CDYL: variants seen among roughly 807,000 people sequenced by gnomAD.
CDYL encodes the protein chromodomain Y like.
CDYL carries 8 observed loss-of-function variants against 47.3 expected under a neutral mutation model. The observed-to-expected ratio is 0.17, with a 90% CI of 0.10 to 0.31. The LOEUF (loss-of-function observed/expected upper bound fraction) is 0.31. Among genes scored for constraint, CDYL ranks in the 10% least tolerant of loss-of-function variants. The pLI is 1.00. For missense variants in CDYL, 471 were observed against 701.4 expected (o/e 0.67, Z 3.71); for synonymous variants, 266 against 265.0 (o/e 1.00, Z -0.04).
chr6:4,946,874 C>T (rs1419185580), intron 5 of CDYL, among the ~76,000 whole-genome samples: 1 of 152,218 alleles, frequency 6.6e-6, no homozygotes, highest in Non-Finnish European at 1.5e-5. Flanking sequence ...TTGTCCCACC[C>T]CTCCCTACTC....
intron 2 of CDYL, among the ~76,000 whole-genome samples, chr6:4,905,331 G>A (rs944727376): frequency 6.6e-6 from 1 of 152,176 alleles, no homozygotes; most frequent in Non-Finnish European, 1.5e-5. Flanking sequence ...CAACTTAGCG[G>A]GGTTGACCTG....
chr6:4,884,862 C>T (rs1229131767), intron 1 of CDYL, among the ~76,000 whole-genome samples: 1 of 152,202 alleles, frequency 6.6e-6, no homozygotes, highest in Admixed American at 6.5e-5. Context: ...AATAGGCTGA[C>T]AGCTGCTCCT....
chr6:4,743,673 A>T (rs1053223090), intron 3 of CDYL, among the ~76,000 whole-genome samples: 1 of 152,224 alleles, frequency 6.6e-6, no homozygotes, highest in Non-Finnish European at 1.5e-5. Flanking sequence ...CCACTAAGCC[A>T]ATGACACAAT....
chr6:4,901,202 T>C (rs1272209586), intron 2 of CDYL, among the ~76,000 whole-genome samples: 3 of 152,158 alleles, frequency 2.0e-5, no homozygotes, highest in Non-Finnish European at 2.9e-5. Context: ...TATTTCTAAC[T>C]ATAGTTCTTG....
chr6:4,790,955 C>T lies in CDYL; in HGVS notation c.24+14148C>T, dbSNP rs1189238820. Among the ~76,000 whole-genome samples, 3 of 152,204 alleles carry T rather than the reference C, an allele frequency of 2.0e-5. No individual in the cohort carries two copies. The East Asian group carries it at 5.8e-4, about 29-fold the overall frequency. ...ACTGAAAATTTGGTCCAACAAACAT[C>T]AGCAAGTGCTCACTTTGGAAGAGAA... On this transcript the variant is annotated intron_variant, in intron 1 of 6. Transcript: ENST00000397588.
At chr6:4,708,398 G>C (rs1244491482) in intron 1 of CDYL, among the ~76,000 whole-genome samples, 1 of 152,050 alleles carries the variant, frequency 6.6e-6, no homozygotes, top group African/African-American at 2.4e-5. Context: ...GGTCTCAAGT[G>C]ATCTGCCCAC....
At chr6:4,809,651 G>A (rs1759469766) in intron 1 of CDYL, among the ~76,000 whole-genome samples, 3 of 151,220 alleles carry the variant, frequency 2.0e-5, no homozygotes, top group African/African-American at 7.3e-5. Context: ...TGTATGGTAG[G>A]GGTATTATAT....
At chr6:4,911,946 CAA>C (rs1053603528) in intron 2 of CDYL, among the ~76,000 whole-genome samples, 1 of 152,170 alleles carries the variant, frequency 6.6e-6, no homozygotes, top group Non-Finnish European at 1.5e-5. Context: ...GAGAAAGAGA[CAA>C]AACCGGTTAA....
intron 1 of CDYL, among the ~76,000 whole-genome samples, chr6:4,864,841 A>G (rs1761274113): frequency 6.6e-6 from 1 of 150,890 alleles, no homozygotes; most frequent in Non-Finnish European, 1.5e-5. Flanking sequence ...CTTTATCAGC[A>G]ACGTGAAAAT....
intron 1 of CDYL, among the ~76,000 whole-genome samples, chr6:4,819,162 C>CTGTGTGTGTGTGTGTGTGTGTG (rs374323088): frequency 1.8e-5 from 2 of 111,944 alleles, no homozygotes; most frequent in African/African-American, 9.7e-5. Context: ...CTCTCTCTCT[C>CTGTGTGTGTGTGTGTGTGTGTG]TGTGTGTGTG....
intron 3 of CDYL, among the ~76,000 whole-genome samples, chr6:4,740,644 C>T (rs1285410112): frequency 6.6e-6 from 1 of 152,136 alleles, no homozygotes; most frequent in Non-Finnish European, 1.5e-5. Context: ...TCTTTCTAAT[C>T]TTTCTTTCTA....
chr6:4,905,380 C>T (rs1159877862), intron 2 of CDYL, among the ~76,000 whole-genome samples: 2 of 152,186 alleles, frequency 1.3e-5, no homozygotes, highest in African/African-American at 2.4e-5. Flanking sequence ...GCCTGCCTCT[C>T]CTCCCACGAG....
At chr6:4,808,568 C>G (rs548973059) in intron 1 of CDYL, among the ~76,000 whole-genome samples, 1 of 152,342 alleles carries the variant, frequency 6.6e-6, no homozygotes, top group Non-Finnish European at 1.5e-5. Flanking sequence ...TGGGTTCAAT[C>G]TGGCCCGCTT....
intron 3 of CDYL, among the ~76,000 whole-genome samples, chr6:4,741,963 G>C (rs1169382201): frequency 6.6e-6 from 1 of 152,106 alleles, no homozygotes; most frequent in East Asian, 1.9e-4. Flanking sequence ...GCCTCCTCAT[G>C]GTCTGGTAAT....
At chr6:4,923,140 T>C (rs34040930) in intron 2 of CDYL, among the ~76,000 whole-genome samples, 8,061 of 152,228 alleles carry the variant, frequency 0.053, 398 homozygotes, top group African/African-American at 0.13. Context: ...TTTTAGTCAC[T>C]CTGCAGTGCC....
intron 2 of CDYL, among the ~76,000 whole-genome samples, chr6:4,904,825 T>C (rs1223845736): frequency 6.6e-6 from 1 of 152,188 alleles, no homozygotes; most frequent in African/African-American, 2.4e-5. Flanking sequence ...AGGTTGTACT[T>C]AGGACCCGTG....
At chr6:4,738,232 C>T (rs555688838) in intron 3 of CDYL, among the ~76,000 whole-genome samples, 3 of 152,070 alleles carry the variant, frequency 2.0e-5, no homozygotes, top group South Asian at 2.1e-4. Flanking sequence ...AATAAATGAG[C>T]CAGGCATGGT....
chr6:4,834,873 T>C (rs1156288487), intron 1 of CDYL, among the ~76,000 whole-genome samples: 2 of 152,218 alleles, frequency 1.3e-5, no homozygotes, highest in East Asian at 3.8e-4. Context: ...CATCGGCTCC[T>C]GAGGCTTCTG....
At chr6:4,890,204 A>G in intron 1 of CDYL, 1 of 960,274 alleles carries the variant, frequency 1.0e-6, no homozygotes, top group Non-Finnish European at 1.2e-6. Flanking sequence ...CTTTTCTTTT[A>G]AAACTCTTAA....
Sources: allele counts gnomAD v4.1 joint callset (sites outside exome capture counted in the v4.1 genomes callset), GRCh38; gene constraint gnomAD v4.1.1; transcripts MANE v1.5; gene names NCBI Gene and HGNC (gene_info 2026-07-23, HGNC 2026-07-21).